The following GAD2 variants were observed in gnomAD, a reference collection of about 807,000 sequenced individuals.
The protein encoded by GAD2 is 65 kDa glutamic acid decarboxylase.
A neutral mutation model predicts 80.1 loss-of-function variants in GAD2; 22 were observed. The ratio of observed to expected loss-of-function variants is 0.27; its 90% confidence interval spans 0.20 to 0.39. GAD2 has a LOEUF of 0.39. GAD2 is among the 10% of genes least tolerant of loss of function. The pLI is 1.00. For synonymous variants in GAD2, 274 were observed against 256.9 expected (o/e 1.07, Z -0.64); for missense variants, 624 against 738.4 (o/e 0.85, Z 1.80).
intron 13 of GAD2, among the ~76,000 whole-genome samples, chr10:26,291,691 C>T (rs1178660513): frequency 6.6e-6 from 1 of 152,102 alleles, no homozygotes; most frequent in Non-Finnish European, 1.5e-5. Context: ...TCCATCAGCA[C>T]CCAGTAAACA....
At chr10:26,251,041 G>A (rs1385033292) in intron 8 of GAD2, among the ~76,000 whole-genome samples, 1 of 145,934 alleles carries the variant, frequency 6.9e-6, no homozygotes, top group Non-Finnish European at 1.5e-5. Flanking sequence ...CACCATGCCC[G>A]GCATTTTTTT....
intron 15 of GAD2, among the ~76,000 whole-genome samples, chr10:26,299,314 T>G (rs2132325058): frequency 6.6e-6 from 1 of 152,338 alleles, no homozygotes; most frequent in East Asian, 1.9e-4. Context: ...AATTGAACTG[T>G]CTATTTAAGA....
intron 7 of GAD2, among the ~76,000 whole-genome samples, chr10:26,230,142 T>G (rs1844581247): frequency 6.6e-6 from 1 of 151,762 alleles, no homozygotes; most frequent in Non-Finnish European, 1.5e-5. Flanking sequence ...CACTCCAGCC[T>G]GGATGAAAGA....
At chr10:26,282,118 G>A (rs1227703702) in intron 12 of GAD2, among the ~76,000 whole-genome samples, 2 of 131,082 alleles carry the variant, frequency 1.5e-5, no homozygotes, top group Non-Finnish European at 3.1e-5. Flanking sequence ...AATTTTTGTG[G>A]TTTTAGTAGA....
Position 26,292,468 on chromosome 10 carries a change from A to G in GAD2, c.1390A>G (p.Thr464Ala), listed in dbSNP as rs1834226990. 1 of 1,612,942 alleles carries G rather than the reference A, an allele frequency of 6.2e-7. No individual in the cohort carries two copies. The highest frequency in any genetic ancestry group is 8.5e-7 in the Non-Finnish European group (1 of 1,179,002). Residue 464 changes from threonine (T) to alanine (A), a missense_variant, in exon 14 of 16, where the codon ACT (threonine) becomes GCT (alanine). Transcript: ENST00000376261. Reference protein sequence around the residue: ...KLWLMWRAKGTTGFEAHVDKC... With the variant: ...KLWLMWRAKGATGFEAHVDKC... Reference sequence around the variant, plus strand: ...GCTGTGTCCTTCTCTTACCTAGGGGACTACCGGGTTTGAAGCGCATGTTGA... The same window carrying G: ...GCTGTGTCCTTCTCTTACCTAGGGGGCTACCGGGTTTGAAGCGCATGTTGA...
At chr10:26,233,630 G>C (rs1844633622) in intron 7 of GAD2, among the ~76,000 whole-genome samples, 1 of 152,118 alleles carries the variant, frequency 6.6e-6, no homozygotes, top group Admixed American at 6.5e-5. Flanking sequence ...CTGGCTTCAG[G>C]CCAGGCCACA....
Position 26,216,894 on chromosome 10 carries a change from G to T in GAD2, c.76+9G>T. The T allele has an allele frequency of 6.2e-7, 1 of 1,604,498 alleles. No homozygotes were observed. Among genetic ancestry groups the T allele is most frequent in the South Asian group, 1.1e-5 (1 of 89,998 alleles). ...CGAGAATCCCGGCACAGGTAGGAAG[G>T]AGAACGGGGGCCTGCGGCGGGCGAG... is the stretch of plus-strand genomic sequence containing the variant. On this transcript the variant is annotated intron_variant, in intron 1 of 15. Transcript: ENST00000376261. The surrounding 1 kb of genome is among the most constrained non-coding windows in gnomAD (Gnocchi z 4.7).
chr10:26,224,941 G>A (rs941904200), intron 6 of GAD2, among the ~76,000 whole-genome samples: 11 of 152,196 alleles, frequency 7.2e-5, no homozygotes, highest in Admixed American at 2.0e-4. Flanking sequence ...GGATAATGTG[G>A]AACAAAGGAA....
intron 7 of GAD2, among the ~76,000 whole-genome samples, chr10:26,235,824 C>T (rs1844663649): frequency 6.6e-6 from 1 of 152,216 alleles, no homozygotes; most frequent in African/African-American, 2.4e-5. Context: ...CCTTTGAAAG[C>T]CTAAACCATG....
At chr10:26,272,741 G>A (rs189075477) in intron 10 of GAD2, among the ~76,000 whole-genome samples, 19 of 152,216 alleles carry the variant, frequency 1.2e-4, no homozygotes, top group Admixed American at 1.2e-3. Flanking sequence ...GTGGGTGCCT[G>A]TAATCCCAGC....
intron 7 of GAD2, among the ~76,000 whole-genome samples, chr10:26,233,105 A>G (rs1284905348): frequency 6.6e-6 from 1 of 152,246 alleles, no homozygotes; most frequent in Non-Finnish European, 1.5e-5. Context: ...TGGGACAAGT[A>G]GAACAGAGAT....
intron 11 of GAD2, among the ~76,000 whole-genome samples, chr10:26,278,172 G>C (rs1845233154): frequency 1.3e-5 from 2 of 152,186 alleles, no homozygotes; most frequent in Admixed American, 6.5e-5. Context: ...CCCACGTAGA[G>C]ATAAACACCA....
chr10:26,304,172 G>A lies in GAD2; in HGVS notation c.*3211G>A, dbSNP rs572614978. The A allele has an allele frequency of 2.9e-4, 45 of 152,686 alleles. No individual in the cohort carries two copies. The highest frequency in any genetic ancestry group is 1.3e-3 in the East Asian group (7 of 5,186). 9.5% of individuals were successfully genotyped at this position (152,686 alleles called of 1,614,324 possible). A position where few individuals can be genotyped will look rare whatever the true frequency, so the allele number is the denominator to read the frequency against. Reference sequence around the variant, plus strand: ...TGGAGTGTCACCAGCTGCCAAAATCGTAGGTGTTGGCTCTGCTGGTCACTG... The same window carrying A: ...TGGAGTGTCACCAGCTGCCAAAATCATAGGTGTTGGCTCTGCTGGTCACTG... On this transcript the variant is annotated 3_prime_UTR_variant, in exon 16 of 16. Transcript: ENST00000376261.
At chr10:26,233,522 G>T (rs1844632551) in intron 7 of GAD2, among the ~76,000 whole-genome samples, 1 of 152,182 alleles carries the variant, frequency 6.6e-6, no homozygotes, top group Non-Finnish European at 1.5e-5. Context: ...TGCCTTTGAA[G>T]CTGCAGGTTA....
At position 26,247,661 on chromosome 10, in the gene GAD2, C is replaced by T. The variant is rs187597212; in HGVS notation, c.920+1661C>T. 1.1e-3 allele frequency among the ~76,000 whole-genome samples: 171 copies of T among 151,874 alleles called. 2 individuals carry two copies. The highest frequency in any genetic ancestry group is 1.5e-3 in the Non-Finnish European group (103 of 67,930). On this transcript the variant is annotated intron_variant, in intron 8 of 15. Coordinates refer to ENST00000376261, the MANE Select transcript of GAD2 (RefSeq NM_001134366.2). ...CTGTAATCCCAGCATTTTGGGAGGC[C>T]GAGGCGGGTGGATAACCTGAGGTCA...
At chr10:26,220,007 G>T (rs1430565450) in intron 4 of GAD2, among the ~76,000 whole-genome samples, 1 of 152,126 alleles carries the variant, frequency 6.6e-6, no homozygotes, top group African/African-American at 2.4e-5. Flanking sequence ...GCTTTTCACA[G>T]GAGTCTTTAT....
chr10:26,218,150 G>A, intron 3 of GAD2, 159 bp downstream of exon 3: 1 of 779,214 alleles, frequency 1.3e-6, no homozygotes, highest in East Asian at 3.0e-5. Context: ...AGAAATGCGG[G>A]ACCTGCCCGC....
intron 4 of GAD2, among the ~76,000 whole-genome samples, chr10:26,219,625 A>G (rs1327494541): frequency 1.3e-5 from 2 of 152,180 alleles, no homozygotes; most frequent in Non-Finnish European, 2.9e-5. Context: ...AGAATATGGA[A>G]ATAAAAGCTC....
At chr10:26,258,545 C>A (rs1373276637) in intron 8 of GAD2, among the ~76,000 whole-genome samples, 1 of 152,156 alleles carries the variant, frequency 6.6e-6, no homozygotes, top group Non-Finnish European at 1.5e-5. Context: ...CCTACCACCC[C>A]CTCCCCACTA....
Sources: gnomAD v4.1 joint callset for allele counts (sites outside exome capture counted in the v4.1 genomes callset) on GRCh38, gnomAD v4.1.1 for gene constraint, Gnocchi (gnomAD v3.1) non-coding constraint, MANE v1.5 for transcripts, NCBI Gene and HGNC (gene_info 2026-07-23, HGNC 2026-07-21) for gene names.